Variants in GRIN2A observed in about 807,000 individuals in gnomAD.
GRIN2A encodes the protein glutamate receptor ionotropic, NMDA 2A.
In GRIN2A, 22 loss-of-function variants were observed where a neutral mutation model predicts 113.4. That is an observed-to-expected ratio of 0.19 (90% confidence interval 0.14 to 0.28). GRIN2A has a LOEUF of 0.28. Among genes scored for constraint, GRIN2A ranks in the 10% least tolerant of loss-of-function variants. The pLI, the probability that GRIN2A is intolerant of heterozygous loss-of-function variation, is 1.00. For synonymous variants in GRIN2A, 827 were observed against 738.4 expected, an observed-to-expected ratio of 1.12 and a Z score of -1.94; for missense variants, 1,502 against 1,887.0, an observed-to-expected ratio of 0.80 and a Z score of 3.78.
In GRIN2A at chr16:9,834,318, T is replaced by G. The variant is rs2042549555; in HGVS notation, c.1652-88A>C. ...GAAGCCCAGACATCCATTTGCAGGC[T>G]CGCCAAAAATATTTTCTCTAATTTG... is the stretch of plus-strand genomic sequence containing the variant. On this transcript the variant is annotated intron_variant, in intron 7 of 12. Transcript: ENST00000330684. 2.5e-6 allele frequency: 3 copies of G among 1,220,734 alleles called. No homozygotes were observed. In the South Asian group the frequency reaches 3.7e-5, roughly 15 times the overall value. 75.6% of individuals were successfully genotyped at this position (1,220,734 alleles called of 1,614,324 possible).
intron 7 of GRIN2A, among the ~76,000 whole-genome samples, chr16:9,835,785 A>G (rs1324952179): frequency 6.6e-6 from 1 of 152,226 alleles, no homozygotes; most frequent in Non-Finnish European, 1.5e-5. Context: ...GCTAGAGGTC[A>G]CCACAAATTC....
chr16:9,830,480 C>CAAAAAAAA (rs71400501), intron 8 of GRIN2A, among the ~76,000 whole-genome samples: 2 of 73,072 alleles, frequency 2.7e-5, no homozygotes, highest in African/African-American at 4.5e-5. Flanking sequence ...TCTGCATGGG[C>CAAAAAAAA]AAAAAAAAAA....
intron 3 of GRIN2A, among the ~76,000 whole-genome samples, chr16:9,897,005 G>A (rs1438444131): frequency 6.6e-6 from 1 of 152,130 alleles, no homozygotes; most frequent in Admixed American, 6.5e-5. Flanking sequence ...CAGAAATTCT[G>A]ACTGCTTCTA....
intron 4 of GRIN2A, among the ~76,000 whole-genome samples, chr16:9,883,970 C>T (rs544035640): frequency 6.6e-6 from 1 of 152,220 alleles, no homozygotes; most frequent in Admixed American, 6.5e-5. Context: ...GAATAAAAGG[C>T]TTGTTTTACT....
chr16:9,829,993 A>C (rs1419264280), intron 8 of GRIN2A, among the ~76,000 whole-genome samples: 5 of 152,206 alleles, frequency 3.3e-5, no homozygotes, highest in Non-Finnish European at 7.4e-5. Flanking sequence ...CTTCTTAATA[A>C]ACATAAAGAG....
chr16:10,091,427 C>G (rs545615974), intron 2 of GRIN2A, among the ~76,000 whole-genome samples: 1 of 151,454 alleles, frequency 6.6e-6, no homozygotes, highest in South Asian at 2.1e-4. Context: ...GAAACCCCAT[C>G]TCTACCAAAT....
intron 2 of GRIN2A, among the ~76,000 whole-genome samples, chr16:10,130,597 C>A (rs2049041197): frequency 6.6e-6 from 1 of 152,132 alleles, no homozygotes; most frequent in Non-Finnish European, 1.5e-5. Flanking sequence ...TTCTGAAATG[C>A]CAAAAGGAGG....
At position 9,920,212 on chromosome 16, in the gene GRIN2A, T is replaced by C. The variant is rs534518227; in HGVS notation, c.1007+17747A>G. ...TGACTGTTGAGGGTAAATGGATACA[T>C]GAAAAGACAAATGAATGAAAACGGG... On this transcript the variant is annotated intron_variant, in intron 3 of 12. Transcript: ENST00000330684. Among the ~76,000 whole-genome samples, 118 of 152,286 alleles carry C rather than the reference T, an allele frequency of 7.7e-4. 1 individual carries two copies. The highest frequency in any genetic ancestry group is 1.4e-3 in the Non-Finnish European group (94 of 68,020).
At chr16:10,088,055 G>T (rs2034368) in intron 2 of GRIN2A, among the ~76,000 whole-genome samples, 2 of 151,664 alleles carry the variant, frequency 1.3e-5, no homozygotes, top group African/African-American at 4.9e-5. Context: ...ATCATCATGG[G>T]TTCTCACCCT....
chr16:9,965,073 T>A (rs1339778824), intron 2 of GRIN2A, among the ~76,000 whole-genome samples: 1 of 152,174 alleles, frequency 6.6e-6, no homozygotes, highest in East Asian at 1.9e-4. Flanking sequence ...CTGGGAATAC[T>A]CAGGTCTCAG....
At chr16:9,768,576 A>G (rs1180213564) in intron 12 of GRIN2A, among the ~76,000 whole-genome samples, 1 of 152,076 alleles carries the variant, frequency 6.6e-6, no homozygotes, top group Non-Finnish European at 1.5e-5. Flanking sequence ...TCGTTCTCTC[A>G]CTTTGATACT....
chr16:10,108,803 G>A (rs1165383594), intron 2 of GRIN2A, among the ~76,000 whole-genome samples: 2 of 152,064 alleles, frequency 1.3e-5, no homozygotes, highest in Non-Finnish European at 2.9e-5. Flanking sequence ...GTATCTGCAA[G>A]TAACATAGAA....
At chr16:10,153,128 A>G (rs2142299585) in intron 2 of GRIN2A, among the ~76,000 whole-genome samples, 1 of 152,326 alleles carries the variant, frequency 6.6e-6, no homozygotes, top group South Asian at 2.1e-4. Context: ...TATCAGTTGT[A>G]ACAATTAATA....
chr16:10,182,646 G>C, upstream of GRIN2A: 1 of 152,814 alleles, frequency 6.5e-6, no homozygotes, highest in Non-Finnish European at 1.5e-5. Flanking sequence ...TCCCGCGCTA[G>C]CACTCACCGC....
intron 2 of GRIN2A, among the ~76,000 whole-genome samples, chr16:10,103,417 T>C (rs1037475393): frequency 6.6e-6 from 1 of 152,154 alleles, no homozygotes; most frequent in Admixed American, 6.6e-5. Flanking sequence ...ATTTCAGCCA[T>C]CTTAAATGAG....
At chr16:9,916,391 T>C (rs1387310721) in intron 3 of GRIN2A, among the ~76,000 whole-genome samples, 2 of 152,128 alleles carry the variant, frequency 1.3e-5, no homozygotes. Context: ...AAATTGTGAG[T>C]AGGAGCTTTT....
intron 2 of GRIN2A, among the ~76,000 whole-genome samples, chr16:10,166,597 T>C (rs1489347744): frequency 1.3e-5 from 2 of 152,228 alleles, no homozygotes; most frequent in African/African-American, 4.8e-5. Context: ...AATACAATCA[T>C]ACTGCACTTG....
intron 11 of GRIN2A, among the ~76,000 whole-genome samples, chr16:9,777,469 T>C (rs1419568469): frequency 6.6e-6 from 1 of 152,198 alleles, no homozygotes; most frequent in Admixed American, 6.5e-5. Flanking sequence ...ATTTGGGAGA[T>C]AAATATTCCT....
At chr16:10,126,088 G>T (rs1213230285) in intron 2 of GRIN2A, among the ~76,000 whole-genome samples, 1 of 151,950 alleles carries the variant, frequency 6.6e-6, no homozygotes, top group East Asian at 1.9e-4. Flanking sequence ...TTTTCATTTT[G>T]CTTTTCTTAA....
Sources: gnomAD v4.1 joint callset for allele counts (sites outside exome capture counted in the v4.1 genomes callset) on GRCh38, gnomAD v4.1.1 for gene constraint, MANE v1.5 for transcripts, NCBI Gene and HGNC (gene_info 2026-07-23, HGNC 2026-07-21) for gene names.